CACNA1E: variants seen among roughly 807,000 people sequenced by gnomAD.
CACNA1E encodes the protein voltage-dependent R-type calcium channel subunit alpha-1E.
In CACNA1E, 40 loss-of-function variants were observed where a neutral mutation model predicts 259.2. The ratio of observed to expected loss-of-function variants is 0.15; its 90% CI spans 0.12 to 0.20. CACNA1E has a LOEUF of 0.20. CACNA1E is among the 10% of genes least tolerant of loss of function. The pLI is 1.00. For synonymous variants in CACNA1E, 1,104 were observed against 1,138.5 expected (o/e 0.97, Z 0.61); for missense variants, 1,874 against 3,040.1 (o/e 0.62, Z 9.02).
chr1:181,710,857 T>A, intron 7 of CACNA1E, 97 bp from the exon 8 acceptor site: 1 of 843,338 alleles, frequency 1.2e-6, no homozygotes, highest in Non-Finnish European at 2.0e-6. Flanking sequence ...TTAATAGAGG[T>A]ACTTGCTCAG....
intron 1 of CACNA1E, among the ~76,000 whole-genome samples, chr1:181,408,459 A>G (rs1194971465): frequency 6.6e-6 from 1 of 152,228 alleles, no homozygotes; most frequent in Non-Finnish European, 1.5e-5. Flanking sequence ...TGCAAAGGAC[A>G]TAATATTTCT....
intron 6 of CACNA1E, among the ~76,000 whole-genome samples, chr1:181,602,539 T>C (rs1466958584): frequency 1.3e-5 from 2 of 152,210 alleles, no homozygotes; most frequent in South Asian, 2.1e-4. Context: ...CTGTATTTAA[T>C]AAATATTTGC....
rs66526388 is a variant in CACNA1E, at chr1:181,686,275, G to GTTTTTTTTTTTTTTTTTT, written c.1056-24668_1056-24651dup. On this transcript the variant is annotated intron_variant, in intron 7 of 47. Transcript: ENST00000367573. ...AGGCTTGGAGGCCAGTAAGAACCAA[G>GTTTTTTTTTTTTTTTTTT]TTTTTTTTTTTTTTTTTTTTTTTTT... Among the ~76,000 whole-genome samples, 33 of 58,670 alleles carry GTTTTTTTTTTTTTTTTTT rather than the reference G, an allele frequency of 5.6e-4. 1 individual carries two copies. The highest frequency in any genetic ancestry group is 8.4e-4 in the South Asian group (1 of 1,194). The allele number at this position is 58,670 out of a possible 152,430, so 38.5% of individuals were successfully genotyped here.
chr1:181,685,906 T>C (rs1032677127), intron 7 of CACNA1E, among the ~76,000 whole-genome samples: 6 of 152,228 alleles, frequency 3.9e-5, no homozygotes, highest in African/African-American at 1.4e-4. Context: ...CTCTAAGTTT[T>C]ACTTCCTGAA....
intron 45 of CACNA1E, 87 bp downstream of exon 45, chr1:181,793,880 C>A: frequency 7.2e-7 from 1 of 1,396,930 alleles, no homozygotes; most frequent in Non-Finnish European, 9.7e-7. Context: ...TGCAGGTGAG[C>A]CGTTGACTTG....
At chr1:181,587,579 C>A (rs781765392) in intron 6 of CACNA1E, among the ~76,000 whole-genome samples, 38 of 152,208 alleles carry the variant, frequency 2.5e-4, no homozygotes, top group Middle Eastern at 3.4e-3. Context: ...GATTATAGAC[C>A]GTTTTTAAAA....
At chr1:181,663,197 C>G (rs181386342) in intron 7 of CACNA1E, among the ~76,000 whole-genome samples, 1 of 152,058 alleles carries the variant, frequency 6.6e-6, no homozygotes, top group African/African-American at 2.4e-5. Flanking sequence ...TTATTGAAAC[C>G]TTGTCATCTG....
chr1:181,458,499 C>T (rs575193592), intron 2 of CACNA1E, among the ~76,000 whole-genome samples: 29 of 152,170 alleles, frequency 1.9e-4, no homozygotes, highest in African/African-American at 7.0e-4. Flanking sequence ...GGGCAAGAAC[C>T]GCAAGGGAAC....
At chr1:181,492,311 C>A (rs1262574650) in intron 1 of CACNA1E, among the ~76,000 whole-genome samples, 1 of 152,088 alleles carries the variant, frequency 6.6e-6, no homozygotes, top group Non-Finnish European at 1.5e-5. Flanking sequence ...CAACACAGTT[C>A]CAATGGTGTG....
chr1:181,701,576 G>A (rs561656632), intron 7 of CACNA1E, among the ~76,000 whole-genome samples: 4 of 152,294 alleles, frequency 2.6e-5, no homozygotes, highest in South Asian at 2.1e-4. Context: ...ATGAGGTGGC[G>A]CAGACTGGCG....
Position 181,724,589 on chromosome 1 carries a change from C to T in CACNA1E, c.2142+52C>T, listed in dbSNP as rs577538051. ...TGTTTCTCTAGTGCCATTGGGTACCCTTTGGCCTTTGGAACTCTCTCCCAA... is the reference window on the plus strand; with the variant it reads ...TGTTTCTCTAGTGCCATTGGGTACCTTTTGGCCTTTGGAACTCTCTCCCAA... On this transcript the variant is annotated intron_variant, in intron 17 of 47. Transcript: ENST00000367573. The T allele has an allele frequency of 2.1e-5, 30 of 1,442,322 alleles. No individual in the cohort carries two copies. In the East Asian group the frequency reaches 6.1e-4, roughly 29 times the overall value. 89.3% of individuals were successfully genotyped at this position (1,442,322 alleles called of 1,614,324 possible).
chr1:181,497,023 A>T (rs982853141), intron 1 of CACNA1E, among the ~76,000 whole-genome samples: 3 of 152,102 alleles, frequency 2.0e-5, no homozygotes, highest in African/African-American at 4.8e-5. Context: ...ATATGGGCCT[A>T]TGTCAATCCG....
chr1:181,324,079 C>T (rs936770767), intron 1 of CACNA1E, among the ~76,000 whole-genome samples: 4 of 152,230 alleles, frequency 2.6e-5, no homozygotes, highest in African/African-American at 9.6e-5. Flanking sequence ...CTTTCTTCTA[C>T]TCACCTTTCC....
intron 3 of CACNA1E, among the ~76,000 whole-genome samples, chr1:181,524,766 G>A (rs1667233163): frequency 6.6e-6 from 1 of 152,228 alleles, no homozygotes; most frequent in African/African-American, 2.4e-5. Flanking sequence ...CCATTGACAA[G>A]GAACAGCCAT....
intron 27 of CACNA1E, among the ~76,000 whole-genome samples, chr1:181,754,365 C>T (rs952539364): frequency 6.6e-6 from 1 of 152,266 alleles, no homozygotes; most frequent in Admixed American, 6.5e-5. Flanking sequence ...AGCAGTGCTT[C>T]ACCCAGTGCT....
At chr1:181,508,382 C>T (rs905818293) in intron 1 of CACNA1E, among the ~76,000 whole-genome samples, 8 of 152,268 alleles carry the variant, frequency 5.3e-5, no homozygotes, top group Admixed American at 3.3e-4. Context: ...GACTTGTATG[C>T]GTGTTGCCAG....
rs369160335 is a variant in CACNA1E, at chr1:181,699,388, A to G, written c.1056-11566A>G. On this transcript the variant is annotated intron_variant, in intron 7 of 47. Coordinates refer to ENST00000367573, the MANE Select transcript of CACNA1E (RefSeq NM_001205293.3). ...TAAACAGGTTAATGTGGTAGAGTGC[A>G]GCAGGTAATGGGGCCATTAATTTTA... is the stretch of plus-strand genomic sequence containing the variant. 6.6e-5 allele frequency among the ~76,000 whole-genome samples: 10 copies of G among 152,362 alleles called. No homozygotes were observed. In the East Asian group the frequency reaches 1.2e-3, roughly 18 times the overall value.
chr1:181,632,274 C>T (rs199912), intron 6 of CACNA1E, among the ~76,000 whole-genome samples: 113,862 of 151,990 alleles, frequency 0.75, 44,163 homozygotes, highest in East Asian at 0.95. Flanking sequence ...TTCTTGTATC[C>T]GTACATTTCC....
chr1:181,450,422 T>TTG lies in CACNA1E; in HGVS notation c.435-33300_435-33299dup, dbSNP rs58472519. 8.0e-5 allele frequency among the ~76,000 whole-genome samples: 12 copies of TTG among 150,616 alleles called. No individual in the cohort carries two copies. The South Asian group carries it at 8.5e-4, about 11-fold the overall frequency. On this transcript the variant is annotated intron_variant, in intron 2 of 11. Coordinates refer to the CACNA1E transcript ENST00000524607. The stretch of plus-strand genomic sequence containing the variant: ...GTGGAGATTTTCAGGTGAAGGGGGA[T>TTG]TGTGTGTGTGTGTGTGTGTGTGTAT...
Sources: allele counts gnomAD v4.1 joint callset (sites outside exome capture counted in the v4.1 genomes callset), GRCh38; gene constraint gnomAD v4.1.1; transcripts MANE v1.5; gene names NCBI Gene and HGNC (gene_info 2026-07-23, HGNC 2026-07-21).